Variants in SAP130 observed in about 807,000 individuals in gnomAD.
SAP130 encodes the protein Sin3A associated protein 130.
SAP130 carries 16 observed loss-of-function variants against 103.2 expected under a neutral mutation model. That is an observed-to-expected ratio of 0.16 (90% CI 0.10 to 0.24). SAP130 has a LOEUF of 0.24. Among genes scored for constraint, SAP130 ranks in the 10% least tolerant of loss-of-function variants. The probability of loss-of-function intolerance (pLI) is 1.00; values close to 1 mark genes in which losing one functional copy is unlikely to be tolerated. For synonymous variants in SAP130, 477 were observed against 497.0 expected (o/e 0.96, Z 0.53); for missense variants, 990 against 1,359.7 (o/e 0.73, Z 4.28).
At chr2:127,987,056 G>A (rs753499224) in intron 13 of SAP130, 94 bp from the exon 14 acceptor site, 10 of 1,115,758 alleles carry the variant, frequency 9.0e-6, no homozygotes, top group Admixed American at 2.2e-5. Context: ...ACTAGAATTA[G>A]GTATCCATGT....
intron 15 of SAP130, among the ~76,000 whole-genome samples, chr2:127,972,436 C>T (rs982019046): frequency 1.3e-5 from 2 of 152,094 alleles, no homozygotes; most frequent in African/African-American, 4.8e-5. Context: ...CACAGTGAGA[C>T]TGCCATCTCT....
intron 15 of SAP130, among the ~76,000 whole-genome samples, chr2:127,975,434 T>A (rs577703671): frequency 6.6e-6 from 1 of 152,164 alleles, no homozygotes; most frequent in African/African-American, 2.4e-5. Flanking sequence ...ATGGACCATA[T>A]TGAAAAAGTC....
rs1684522636 is a variant in SAP130, at chr2:128,013,158, A to G, written c.620-4T>C. On this transcript the variant is annotated splice_region_variant and splice_polypyrimidine_tract_variant and intron_variant, in intron 5 of 20. Coordinates refer to ENST00000643581, the MANE Select transcript of SAP130 (RefSeq NM_001330301.2). ...ATCACAGCAGCAGCAGCTGCACCTG[A>G]AAAAAAAAAAGTGTTTATTATATTT... 3.2e-6 allele frequency: 3 copies of G among 923,782 alleles called. No individual in the cohort carries two copies. The highest frequency in any genetic ancestry group is 4.5e-6 in the Non-Finnish European group (3 of 669,936). 57.2% of individuals were successfully genotyped at this position (923,782 alleles called of 1,614,324 possible). A position where few individuals can be genotyped will look rare whatever the true frequency, so the allele number is the denominator to read the frequency against.
rs145881625 is a variant in SAP130 at position 128,026,188 on chromosome 2, A to G, written c.105T>C (p.Ala35=). 8 of 1,602,794 alleles carry G rather than the reference A, an allele frequency of 5.0e-6. No homozygotes were observed. The African/African-American group carries it at 9.4e-5, about 19-fold the overall frequency. The change falls in exon 2 of 21, where the codon GCT becomes GCC. Residue 35 remains alanine (A), a synonymous_variant. Transcript: ENST00000643581. ...GAATATTACATATCTCACCTGTAGC[A>G]GCTGGGTTTATCAATCCAGCAGAAC... ...NSGSAGLINP[A]ATVNDESGRD... is the part of the protein sequence containing the mutation.
intron 7 of SAP130, among the ~76,000 whole-genome samples, chr2:128,003,125 CAAAAAA>C (rs953323031): frequency 7.3e-6 from 1 of 137,438 alleles, no homozygotes; most frequent in African/African-American, 2.7e-5. Context: ...GAGAGGGTCT[CAAAAAA>C]AAAAAGACAC....
At chr2:128,008,856 T>G (rs1178858169) in intron 7 of SAP130, among the ~76,000 whole-genome samples, 1 of 152,028 alleles carries the variant, frequency 6.6e-6, no homozygotes, top group African/African-American at 2.4e-5. Flanking sequence ...TGGCTACTTT[T>G]TTATTTTTTA....
intron 15 of SAP130, among the ~76,000 whole-genome samples, chr2:127,960,668 G>A (rs1197838414): frequency 6.6e-6 from 1 of 152,078 alleles, no homozygotes; most frequent in Non-Finnish European, 1.5e-5. Flanking sequence ...GCATTCACAT[G>A]TTTCAAACGA....
chr2:128,020,425 T>C (rs565190517), intron 2 of SAP130, among the ~76,000 whole-genome samples: 28 of 152,368 alleles, frequency 1.8e-4, no homozygotes, highest in African/African-American at 6.5e-4. Context: ...ATACACCCTA[T>C]TGTGCTTTGC....
At chr2:128,014,718 T>C in intron 5 of SAP130, 85 bp downstream of exon 5, 1 of 937,122 alleles carries the variant, frequency 1.1e-6, no homozygotes. Context: ...AAGCTGATTC[T>C]AGATACATTC....
intron 13 of SAP130, among the ~76,000 whole-genome samples, chr2:127,987,205 AAG>A (rs1450719624): frequency 6.6e-6 from 1 of 152,132 alleles, no homozygotes; most frequent in Non-Finnish European, 1.5e-5. Flanking sequence ...CTTTGTTTGA[AAG>A]AGAGTCTTGC....
At chr2:127,970,650 C>T (rs764123453) in intron 15 of SAP130, among the ~76,000 whole-genome samples, 1 of 151,538 alleles carries the variant, frequency 6.6e-6, no homozygotes, top group East Asian at 1.9e-4. Flanking sequence ...TAGATCACAC[C>T]GCTCACTGTA....
chr2:127,996,571 C>A lies in SAP130; in HGVS notation c.1214-80G>T. 2 of 1,272,014 alleles carry A rather than the reference C, an allele frequency of 1.6e-6. No individual in the cohort carries two copies. The highest frequency in any genetic ancestry group is 1.0e-6 in the Non-Finnish European group (1 of 955,732). 78.8% of individuals were successfully genotyped at this position (1,272,014 alleles called of 1,614,324 possible). ...CAAAACATTCTTGGCTAGCAGCAAT[C>A]TTAGGAAAGCAAACAATTAAAATAA... On this transcript the variant is annotated intron_variant, in intron 10 of 20. Coordinates refer to ENST00000643581, the MANE Select transcript of SAP130 (RefSeq NM_001330301.2). This position sits in a 1 kb window ranked among gnomAD's most constrained non-coding sequence, Gnocchi z 4.3.
At chr2:128,021,903 T>C (rs1289031649) in intron 2 of SAP130, among the ~76,000 whole-genome samples, 2 of 152,238 alleles carry the variant, frequency 1.3e-5, no homozygotes, top group African/African-American at 2.4e-5. Context: ...CCCATTCATA[T>C]ATATCTTCTT....
intron 2 of SAP130, among the ~76,000 whole-genome samples, chr2:128,023,211 C>G (rs1685271644): frequency 6.6e-6 from 1 of 152,134 alleles, no homozygotes; most frequent in African/African-American, 2.4e-5. Flanking sequence ...CCAAGCTGGT[C>G]TCGAACTCCT....
intron 12 of SAP130, 60 bp downstream of exon 12, chr2:127,993,127 C>T: frequency 6.3e-7 from 1 of 1,589,796 alleles, no homozygotes; most frequent in Non-Finnish European, 8.6e-7. Context: ...TCATCAATTT[C>T]TACATTATTG....
intron 2 of SAP130, among the ~76,000 whole-genome samples, chr2:128,023,333 G>C (rs1025873925): frequency 2.0e-5 from 3 of 151,786 alleles, no homozygotes; most frequent in Non-Finnish European, 2.9e-5. Context: ...GTAGAAACGG[G>C]GATTTGCCAT....
At chr2:127,997,478 C>A (rs1298802098) in intron 10 of SAP130, among the ~76,000 whole-genome samples, 1 of 152,206 alleles carries the variant, frequency 6.6e-6, no homozygotes. Context: ...GTAAGCTGCA[C>A]AGACCCACTG....
chr2:127,943,430 A>C (rs1045121469), intron 19 of SAP130, among the ~76,000 whole-genome samples: 1 of 152,218 alleles, frequency 6.6e-6, no homozygotes, highest in African/African-American at 2.4e-5. Flanking sequence ...CGTTCTGAGA[A>C]ATGTCTTTAG....
chr2:127,999,696 C>A, intron 10 of SAP130, 45 bp downstream of exon 10: 3 of 1,150,474 alleles, frequency 2.6e-6, no homozygotes, highest in Non-Finnish European at 3.7e-6. Context: ...TGAGGGGTTA[C>A]AGCACTCCTG....
Sources: allele counts gnomAD v4.1 joint callset (sites outside exome capture counted in the v4.1 genomes callset), GRCh38; gene constraint gnomAD v4.1.1; non-coding constraint Gnocchi (gnomAD v3.1); transcripts MANE v1.5; gene names NCBI Gene and HGNC (gene_info 2026-07-23, HGNC 2026-07-21).